Variants in HTR1F observed in about 807,000 individuals in gnomAD.
The protein encoded by HTR1F is 5-hydroxytryptamine receptor 1F, also known as 5-hydroxytryptamine (serotonin) receptor 1F, G protein-coupled.
HTR1F carries 17 observed loss-of-function variants against 24.0 expected under a neutral mutation model. That is an observed-to-expected ratio of 0.71 (90% confidence interval 0.48 to 1.06). The LOEUF (loss-of-function observed/expected upper bound fraction) is 1.06. Ranked by LOEUF, HTR1F falls within the 50% of genes least tolerant of loss-of-function variation. The pLI, the probability that HTR1F is intolerant of heterozygous loss-of-function variation, is 0.00. For missense variants in HTR1F, 391 were observed against 427.8 expected, an observed-to-expected ratio of 0.91 and a Z score of 0.76; for synonymous variants, 186 against 156.8, an observed-to-expected ratio of 1.19 and a Z score of -1.39.
intron 2 of HTR1F, among the ~76,000 whole-genome samples, chr3:87,932,771 G>A (rs1175148799): frequency 6.6e-6 from 1 of 151,558 alleles, no homozygotes; most frequent in African/African-American, 2.4e-5. Context: ...TTCTACCAGA[G>A]GTACAAGGAG....
intron 2 of HTR1F, among the ~76,000 whole-genome samples, chr3:87,920,083 A>T (rs1703981035): frequency 6.7e-6 from 1 of 150,008 alleles, no homozygotes; most frequent in East Asian, 1.9e-4. Context: ...AAAAGGAATG[A>T]ATTAACTGCA....
intron 2 of HTR1F, among the ~76,000 whole-genome samples, chr3:87,956,933 T>A (rs1242931106): frequency 6.6e-6 from 1 of 151,292 alleles, no homozygotes; most frequent in Non-Finnish European, 1.5e-5. Flanking sequence ...TTATCTTTTT[T>A]TTCTGATCCT....
At chr3:87,951,180 C>G (rs1704825252) in intron 2 of HTR1F, among the ~76,000 whole-genome samples, 1 of 152,136 alleles carries the variant, frequency 6.6e-6, no homozygotes, top group African/African-American at 2.4e-5. Context: ...TACATGATCT[C>G]TGTGATTTCA....
chr3:87,879,806 C>A (rs1705749230), intron 2 of HTR1F, among the ~76,000 whole-genome samples: 1 of 152,054 alleles, frequency 6.6e-6, no homozygotes. Context: ...TCTATACTTA[C>A]AACATCAGCC....
chr3:87,966,183 A>T (rs1705158823), intron 2 of HTR1F, among the ~76,000 whole-genome samples: 1 of 152,152 alleles, frequency 6.6e-6, no homozygotes, highest in Non-Finnish European at 1.5e-5. Flanking sequence ...CAGGTAGTGG[A>T]AGAAGCCAAG....
At chr3:87,839,608 GT>G (rs199634073) in intron 2 of HTR1F, among the ~76,000 whole-genome samples, 6 of 151,206 alleles carry the variant, frequency 4.0e-5, no homozygotes, top group Admixed American at 2.6e-4. Flanking sequence ...TTTTTTGTTT[GT>G]TTTTTTTCAC....
At chr3:87,922,867 T>C (rs1405597412) in intron 2 of HTR1F, among the ~76,000 whole-genome samples, 1 of 151,656 alleles carries the variant, frequency 6.6e-6, no homozygotes, top group East Asian at 1.9e-4. Context: ...TCTGTTATAT[T>C]GGTCTATGTT....
intron 2 of HTR1F, among the ~76,000 whole-genome samples, chr3:87,971,930 TA>T (rs1172167664): frequency 2.0e-5 from 3 of 152,218 alleles, no homozygotes; most frequent in Admixed American, 6.5e-5. Flanking sequence ...AATATACTTA[TA>T]GGGGAAGTTC....
chr3:87,918,733 A>G (rs1238727156), intron 2 of HTR1F, among the ~76,000 whole-genome samples: 1 of 152,112 alleles, frequency 6.6e-6, no homozygotes, highest in Non-Finnish European at 1.5e-5. Context: ...TTTCTTTCAA[A>G]CAAATGAAAA....
intron 2 of HTR1F, among the ~76,000 whole-genome samples, chr3:87,877,451 A>T (rs977675681): frequency 1.3e-5 from 2 of 152,100 alleles, no homozygotes; most frequent in South Asian, 4.2e-4. Context: ...TAAATGGGGG[A>T]TTACTAGTTA....
intron 2 of HTR1F, 39 bp from the exon 3 acceptor site, chr3:87,990,669 A>C: frequency 9.8e-7 from 1 of 1,021,688 alleles, no homozygotes; most frequent in Non-Finnish European, 1.5e-6. Context: ...AAGTTCTTGA[A>C]GCCTTCTCTG....
chr3:87,936,858 C>A (rs947182758), intron 2 of HTR1F, among the ~76,000 whole-genome samples: 2 of 151,778 alleles, frequency 1.3e-5, no homozygotes, highest in Non-Finnish European at 2.9e-5. Flanking sequence ...CCTCTATGCA[C>A]ACAAACTAGA....
At position 87,943,969 on chromosome 3, in the gene HTR1F, A is replaced by T. The variant is rs537743599; in HGVS notation, c.-42-46739A>T. On this transcript the variant is annotated intron_variant, in intron 2 of 2. Transcript: ENST00000319595. ...CATAGGGATGCCAGCACCCCTAGTCATTTTCCGATGAGCATTAGTACTAGA... is the reference window on the plus strand; with the variant it reads ...CATAGGGATGCCAGCACCCCTAGTCTTTTTCCGATGAGCATTAGTACTAGA... Among the ~76,000 whole-genome samples the T allele has an allele frequency of 2.0e-5, 3 of 152,222 alleles. No homozygotes were observed. In the East Asian group the frequency reaches 5.8e-4, roughly 29 times the overall value.
At chr3:87,816,906 C>T (rs1704260041) in intron 1 of HTR1F, among the ~76,000 whole-genome samples, 1 of 151,794 alleles carries the variant, frequency 6.6e-6, no homozygotes, top group Admixed American at 6.6e-5. Context: ...GTTTACTTAC[C>T]TGAAAAATTG....
At chr3:87,916,044 C>G (rs1703884580) in intron 2 of HTR1F, among the ~76,000 whole-genome samples, 1 of 151,994 alleles carries the variant, frequency 6.6e-6, no homozygotes, top group South Asian at 2.1e-4. Flanking sequence ...GGAATTGGGG[C>G]CCTATCTTCA....
At chr3:87,826,045 G>A (rs1704455500) in intron 2 of HTR1F, among the ~76,000 whole-genome samples, 1 of 152,192 alleles carries the variant, frequency 6.6e-6, no homozygotes, top group Non-Finnish European at 1.5e-5. Context: ...AATATTTGCT[G>A]TAATGTATTG....
At chr3:87,908,498 A>G (rs772782651) in intron 2 of HTR1F, among the ~76,000 whole-genome samples, 29 of 152,024 alleles carry the variant, frequency 1.9e-4, no homozygotes, top group Non-Finnish European at 3.7e-4. Context: ...ATTTTTAATC[A>G]TAGTAATATA....
chr3:87,794,659 G>A (rs1703873661), intron 1 of HTR1F, among the ~76,000 whole-genome samples: 1 of 152,158 alleles, frequency 6.6e-6, no homozygotes, highest in South Asian at 2.1e-4. Context: ...TATATTAAGG[G>A]ATTGTTCCTT....
Position 87,991,879 on chromosome 3 carries a change from G to T in HTR1F, c.*29G>T. 2 of 1,514,986 alleles carry T rather than the reference G, an allele frequency of 1.3e-6. No individual in the cohort carries two copies. The highest frequency in any genetic ancestry group is 1.8e-6 in the Non-Finnish European group (2 of 1,133,240). 93.8% of individuals were successfully genotyped at this position (1,514,986 alleles called of 1,614,324 possible). ...TAAAAATGTTTATTATTGAAGGATGGGGGTTTTTGAGGGGAGGAATAACTA... is the reference window on the plus strand; with the variant it reads ...TAAAAATGTTTATTATTGAAGGATGTGGGTTTTTGAGGGGAGGAATAACTA... On this transcript the variant is annotated 3_prime_UTR_variant, in exon 3 of 3. Coordinates refer to ENST00000319595, the MANE Select transcript of HTR1F (RefSeq NM_001322209.2).
Sources: gnomAD v4.1 joint callset for allele counts (sites outside exome capture counted in the v4.1 genomes callset) on GRCh38, gnomAD v4.1.1 for gene constraint, MANE v1.5 for transcripts, NCBI Gene and HGNC (gene_info 2026-07-23, HGNC 2026-07-21) for gene names.